FOXP1: variants seen among roughly 807,000 people sequenced by gnomAD.
The protein encoded by FOXP1 is forkhead box protein P1.
Under a neutral mutation model 98.2 loss-of-function variants are expected in FOXP1, and 15 were observed. The ratio of observed to expected loss-of-function variants is 0.15; its 90% confidence interval spans 0.10 to 0.24. FOXP1 has a LOEUF of 0.24. FOXP1 is among the 10% of genes least tolerant of loss of function. FOXP1 has a pLI of 1.00. For synonymous variants in FOXP1, 371 were observed against 314.5 expected (o/e 1.18, Z -1.90); for missense variants, 633 against 848.5 (o/e 0.75, Z 3.15).
At chr3:71,484,492 A>G (rs1223016238) in intron 3 of FOXP1, among the ~76,000 whole-genome samples, 1 of 152,196 alleles carries the variant, frequency 6.6e-6, no homozygotes, top group African/African-American at 2.4e-5. Flanking sequence ...AAATTGGCAA[A>G]GTCTCAAAAA....
chr3:71,217,980 C>T (rs1202551470), intron 5 of FOXP1, among the ~76,000 whole-genome samples: 1 of 152,132 alleles, frequency 6.6e-6, no homozygotes, highest in African/African-American at 2.4e-5. Flanking sequence ...TTCATTGTGT[C>T]GACATCCTCC....
intron 5 of FOXP1, among the ~76,000 whole-genome samples, chr3:71,289,262 A>T (rs918914770): frequency 1.3e-5 from 2 of 151,502 alleles, no homozygotes; most frequent in Non-Finnish European, 2.9e-5. Context: ...GCTGATCTTG[A>T]ACTCCTGACC....
At chr3:71,282,480 G>C (rs1348630955) in intron 5 of FOXP1, among the ~76,000 whole-genome samples, 1 of 151,904 alleles carries the variant, frequency 6.6e-6, no homozygotes, top group East Asian at 1.9e-4. Flanking sequence ...AAAATTACTG[G>C]TGTTGTGGAG....
At chr3:71,157,033 G>A (rs1200009453) in intron 6 of FOXP1, among the ~76,000 whole-genome samples, 1 of 152,222 alleles carries the variant, frequency 6.6e-6, no homozygotes, top group Non-Finnish European at 1.5e-5. Flanking sequence ...AGAGGGTACA[G>A]GAAAAGCACA....
intron 17 of FOXP1, 133 bp downstream of exon 17, chr3:70,976,808 C>T: frequency 1.4e-6 from 1 of 693,636 alleles, no homozygotes; most frequent in Non-Finnish European, 2.6e-6. Flanking sequence ...TCAAATACAC[C>T]TAGAGATTGG....
chr3:71,421,064 G>A (rs1413242001), intron 3 of FOXP1, among the ~76,000 whole-genome samples: 2 of 152,150 alleles, frequency 1.3e-5, no homozygotes, highest in African/African-American at 4.8e-5. Flanking sequence ...GCGTTGAGAT[G>A]AGACTAGAAA....
intron 11 of FOXP1, among the ~76,000 whole-genome samples, chr3:71,021,522 G>A (rs993768012): frequency 6.6e-6 from 1 of 152,122 alleles, no homozygotes; most frequent in Non-Finnish European, 1.5e-5. Flanking sequence ...TGTACTCTAA[G>A]TATCTGTTTT....
chr3:71,192,321 C>T (rs571623592), intron 6 of FOXP1, among the ~76,000 whole-genome samples: 2 of 152,312 alleles, frequency 1.3e-5, no homozygotes, highest in African/African-American at 2.4e-5. Context: ...ATATAACCTG[C>T]GTCATTTCCC....
At chr3:70,971,521 C>T (rs954625118) in intron 18 of FOXP1, 2 of 153,538 alleles carry the variant, frequency 1.3e-5, no homozygotes, top group African/African-American at 4.8e-5. Flanking sequence ...TCCCAGTAGG[C>T]AATTACCTAC....
chr3:71,110,283 T>G (rs2057804845), intron 7 of FOXP1, among the ~76,000 whole-genome samples: 1 of 152,176 alleles, frequency 6.6e-6, no homozygotes, highest in Non-Finnish European at 1.5e-5. Context: ...GGGAAAATAA[T>G]TCTACCATAA....
intron 6 of FOXP1, among the ~76,000 whole-genome samples, chr3:71,197,395 T>C (rs2063360420): frequency 6.6e-6 from 1 of 152,166 alleles, no homozygotes; most frequent in Non-Finnish European, 1.5e-5. Context: ...AAATGTTGTT[T>C]ACTTATTTGA....
intron 6 of FOXP1, among the ~76,000 whole-genome samples, chr3:71,179,869 T>C (rs1043884184): frequency 1.3e-5 from 2 of 152,240 alleles, no homozygotes; most frequent in Non-Finnish European, 2.9e-5. Flanking sequence ...GTGTCATTAA[T>C]TGTGCCGTTG....
At chr3:71,562,355 T>C (rs2046604541) in intron 2 of FOXP1, among the ~76,000 whole-genome samples, 1 of 152,206 alleles carries the variant, frequency 6.6e-6, no homozygotes, top group African/African-American at 2.4e-5. Flanking sequence ...TATCATACCA[T>C]TTTGTGGGTA....
intron 6 of FOXP1, among the ~76,000 whole-genome samples, chr3:71,181,764 G>A (rs1355364610): frequency 6.6e-6 from 1 of 152,152 alleles, no homozygotes; most frequent in Non-Finnish European, 1.5e-5. Context: ...CGGGCGCGGT[G>A]GCTCACGCCT....
intron 5 of FOXP1, among the ~76,000 whole-genome samples, chr3:71,221,599 C>T (rs1037696271): frequency 6.6e-5 from 10 of 152,202 alleles, no homozygotes; most frequent in African/African-American, 2.2e-4. Context: ...TCTTCCAGCA[C>T]CAACCTCCTT....
intron 2 of FOXP1, among the ~76,000 whole-genome samples, chr3:71,574,655 A>G (rs1365111101): frequency 2.0e-5 from 3 of 152,214 alleles, no homozygotes; most frequent in Admixed American, 2.0e-4. Flanking sequence ...GCAAACAGTT[A>G]CAATTTTAAA....
At chr3:71,271,217 C>T (rs1313080657) in intron 5 of FOXP1, among the ~76,000 whole-genome samples, 4 of 152,002 alleles carry the variant, frequency 2.6e-5, no homozygotes, top group East Asian at 3.9e-4. Context: ...GTGACAAGAT[C>T]GAGACTCTGT....
intron 13 of FOXP1, 71 bp from the exon 14 acceptor site, chr3:70,988,148 A>G: frequency 7.6e-7 from 1 of 1,307,416 alleles, no homozygotes; most frequent in South Asian, 1.2e-5. Flanking sequence ...AAAATGATAC[A>G]TATTACAAAT....
At chr3:71,355,317 A>G (rs896738298) in intron 4 of FOXP1, among the ~76,000 whole-genome samples, 2 of 152,208 alleles carry the variant, frequency 1.3e-5, no homozygotes, top group African/African-American at 4.8e-5. Flanking sequence ...AATACGACCT[A>G]CTTCTTGCTT....
Sources: gnomAD v4.1 joint callset for allele counts (sites outside exome capture counted in the v4.1 genomes callset) on GRCh38, gnomAD v4.1.1 for gene constraint, MANE v1.5 for transcripts, NCBI Gene and HGNC (gene_info 2026-07-23, HGNC 2026-07-21) for gene names.